GBE1: variants seen among roughly 807,000 people sequenced by gnomAD.
GBE1 encodes 1,4-alpha-glucan-branching enzyme.
GBE1 carries 70 observed loss-of-function variants against 88.8 expected under a neutral mutation model. The ratio of observed to expected loss-of-function variants is 0.79; its 90% CI spans 0.65 to 0.96. GBE1 has a LOEUF of 0.96. GBE1 is among the 40% of genes least tolerant of loss of function. The probability of loss-of-function intolerance (pLI) is 0.00; values close to 1 mark genes in which losing one functional copy is unlikely to be tolerated. For synonymous variants in GBE1, 284 were observed against 300.1 expected (o/e 0.95, Z 0.56); for missense variants, 872 against 871.0 (o/e 1.00, Z -0.01).
At chr3:81,573,649 A>G (rs1703604440) in intron 12 of GBE1, among the ~76,000 whole-genome samples, 1 of 152,182 alleles carries the variant, frequency 6.6e-6, no homozygotes, top group Admixed American at 6.5e-5. Context: ...AAATCTTACA[A>G]CATTTTAGAA....
At chr3:81,648,104 A>G (rs1034114106) in intron 5 of GBE1, among the ~76,000 whole-genome samples, 2 of 152,106 alleles carry the variant, frequency 1.3e-5, no homozygotes, top group Admixed American at 6.5e-5. Flanking sequence ...TAATCCATAC[A>G]TAACTGAAAA....
intron 10 of GBE1, among the ~76,000 whole-genome samples, chr3:81,584,836 C>A (rs536626186): frequency 5.9e-5 from 9 of 151,454 alleles, no homozygotes; most frequent in Non-Finnish European, 1.0e-4. Context: ...AAAAATAATT[C>A]TAGGTTGACG....
intron 12 of GBE1, among the ~76,000 whole-genome samples, chr3:81,565,953 T>G (rs998226666): frequency 4.6e-5 from 7 of 152,220 alleles, no homozygotes; most frequent in African/African-American, 1.4e-4. Flanking sequence ...GAAAGGCTTC[T>G]GATTTAAACT....
intron 14 of GBE1, among the ~76,000 whole-genome samples, chr3:81,520,633 G>A (rs1354304283): frequency 6.6e-6 from 1 of 151,560 alleles, no homozygotes; most frequent in Non-Finnish European, 1.5e-5. Flanking sequence ...GCTAAACAAT[G>A]TGAAAACTTA....
At chr3:81,542,829 G>A (rs546738018) in intron 12 of GBE1, among the ~76,000 whole-genome samples, 2 of 151,848 alleles carry the variant, frequency 1.3e-5, no homozygotes, top group South Asian at 2.1e-4. Context: ...AACTGCCCAT[G>A]TACCCCATGC....
chr3:81,505,266 G>C (rs757538303), intron 14 of GBE1, among the ~76,000 whole-genome samples: 1 of 152,150 alleles, frequency 6.6e-6, no homozygotes, highest in Admixed American at 6.6e-5. Context: ...CCCCAGGAAA[G>C]AGAATTTATA....
chr3:81,590,617 A>AC (rs1230866364), intron 9 of GBE1, among the ~76,000 whole-genome samples: 2 of 152,110 alleles, frequency 1.3e-5, no homozygotes, highest in African/African-American at 4.8e-5. Context: ...TCACATCAGA[A>AC]CAAGAAAGGC....
intron 6 of GBE1, among the ~76,000 whole-genome samples, chr3:81,645,722 TG>T (rs1259722294): frequency 8.5e-5 from 13 of 152,242 alleles, no homozygotes; most frequent in Non-Finnish European, 1.6e-4. Context: ...GTATTTGTTC[TG>T]ATCTATTCTA....
intron 4 of GBE1, 101 bp downstream of exon 4, chr3:81,649,695 G>T: frequency 3.4e-6 from 3 of 878,126 alleles, no homozygotes; most frequent in Non-Finnish European, 5.1e-6. Flanking sequence ...AACTGTCAGT[G>T]AAGATAAGCA....
At chr3:81,539,159 T>C (rs766333932) in intron 12 of GBE1, among the ~76,000 whole-genome samples, 3 of 152,038 alleles carry the variant, frequency 2.0e-5, no homozygotes, top group Non-Finnish European at 4.4e-5. Flanking sequence ...GAGTTGGGCC[T>C]GTGAACCCAG....
At chr3:81,491,153 G>C (rs1282964928) in intron 15 of GBE1, among the ~76,000 whole-genome samples, 1 of 152,128 alleles carries the variant, frequency 6.6e-6, no homozygotes, top group African/African-American at 2.4e-5. Flanking sequence ...TGTGCCTTCT[G>C]CTGTAAACAC....
chr3:81,627,737 T>G (rs1704437860), intron 7 of GBE1, among the ~76,000 whole-genome samples: 1 of 127,434 alleles, frequency 7.8e-6, no homozygotes, highest in African/African-American at 3.3e-5. Context: ...AAGAAAATTA[T>G]ATATTTTACA....
At chr3:81,505,240 C>G (rs1003987209) in intron 14 of GBE1, among the ~76,000 whole-genome samples, 2 of 152,058 alleles carry the variant, frequency 1.3e-5, no homozygotes, top group African/African-American at 4.8e-5. Context: ...TAAAATAATG[C>G]CCAGGAGCTA....
chr3:81,639,718 T>A (rs948226223), intron 7 of GBE1, among the ~76,000 whole-genome samples: 1 of 152,204 alleles, frequency 6.6e-6, no homozygotes, highest in African/African-American at 2.4e-5. Flanking sequence ...CTTTTGGGAC[T>A]ATCGCTCTTG....
intron 2 of GBE1, among the ~76,000 whole-genome samples, chr3:81,677,783 G>A (rs1190684962): frequency 1.3e-5 from 2 of 152,072 alleles, no homozygotes; most frequent in Non-Finnish European, 2.9e-5. Flanking sequence ...CTAGTACCCT[G>A]GGAAGGACCT....
In GBE1 at chr3:81,547,849, T is replaced by C. The variant is rs182020373; in HGVS notation, c.1619-10754A>G. Among the ~76,000 whole-genome samples the C allele has an allele frequency of 7.4e-4, 112 of 151,490 alleles. 7 individuals are homozygous for C. The highest frequency in any genetic ancestry group is 1.1e-3 in the Non-Finnish European group (75 of 67,612). On this transcript the variant is annotated intron_variant, in intron 12 of 15. Transcript: ENST00000429644. ...TAAAGAGGGGTATCTTAGGATAGAA[T>C]GTTGGCCTAGGACACCATAAGCTTG...
chr3:81,498,824 AAAAT>A (rs1463509617), intron 15 of GBE1, among the ~76,000 whole-genome samples: 1 of 152,188 alleles, frequency 6.6e-6, no homozygotes, highest in African/African-American at 2.4e-5. Context: ...AATTGAAAGA[AAAAT>A]AAAAAACTGC....
chr3:81,583,546 G>A (rs74414889), intron 10 of GBE1, among the ~76,000 whole-genome samples: 1,601 of 152,176 alleles, frequency 0.011, 6 homozygotes, highest in Middle Eastern at 0.024. Context: ...TGTTGAATGC[G>A]CTGTTGATAT....
chr3:81,546,782 T>C (rs1703209827), intron 12 of GBE1, among the ~76,000 whole-genome samples: 1 of 151,492 alleles, frequency 6.6e-6, no homozygotes, highest in African/African-American at 2.4e-5. Flanking sequence ...CCCTTGGGGC[T>C]GCTCTGTCTA....
Sources: gnomAD v4.1 joint callset for allele counts (sites outside exome capture counted in the v4.1 genomes callset) on GRCh38, gnomAD v4.1.1 for gene constraint, MANE v1.5 for transcripts, NCBI Gene and HGNC (gene_info 2026-07-23, HGNC 2026-07-21) for gene names.